The following FAM171A1 variants were observed in gnomAD, a reference collection of about 807,000 sequenced individuals.
The protein encoded by FAM171A1 is family with sequence similarity 171 member A1, also known as protein FAM171A1.
In FAM171A1, 23 loss-of-function variants were observed where a neutral mutation model predicts 74.9. That is an observed-to-expected ratio of 0.31 (90% CI 0.22 to 0.44). The LOEUF is 0.44. Ranked by LOEUF, FAM171A1 falls within the 20% of genes least tolerant of loss-of-function variation. The probability of loss-of-function intolerance (pLI) is 1.00; values close to 1 mark genes in which losing one functional copy is unlikely to be tolerated. For missense variants in FAM171A1, 1,162 were observed against 1,159.2 expected (o/e 1.00, Z -0.03); for synonymous variants, 527 against 505.7 (o/e 1.04, Z -0.57).
At chr10:15,370,802 T>C (rs1269366508) in intron 1 of FAM171A1, among the ~76,000 whole-genome samples, 154 bp downstream of exon 1, 1 of 138,270 alleles carries the variant, frequency 7.2e-6, no homozygotes, top group Non-Finnish European at 1.6e-5. Flanking sequence ...CGGGAGCGCG[T>C]TGCGGGTGCT....
intron 3 of FAM171A1, among the ~76,000 whole-genome samples, chr10:15,263,052 A>G (rs1253582523): frequency 5.3e-5 from 8 of 152,224 alleles, no homozygotes; most frequent in Non-Finnish European, 1.2e-4. Context: ...CCCGGGGAAC[A>G]GGAAAAGGAC....
intron 5 of FAM171A1, among the ~76,000 whole-genome samples, chr10:15,235,505 C>T (rs972824434): frequency 1.3e-5 from 2 of 152,034 alleles, no homozygotes; most frequent in Non-Finnish European, 2.9e-5. Context: ...CTTCCACTAC[C>T]TTTCTCAAAC....
At chr10:15,239,528 C>CAA (rs1834337222) in intron 5 of FAM171A1, among the ~76,000 whole-genome samples, 1 of 152,118 alleles carries the variant, frequency 6.6e-6, no homozygotes, top group African/African-American at 2.4e-5. Flanking sequence ...GCCTCAAACT[C>CAA]TTGACCTCAA....
chr10:15,248,662 G>GC lies in FAM171A1; in HGVS notation c.730dup (p.Ala244GlyfsTer5), dbSNP rs1564622263. Reference sequence around the variant, plus strand: ...ACCCAGCTTCTGGTCAAACCGCCACGCCGCGACATAGGCATTGTGCCTCAG... The same window carrying GC: ...ACCCAGCTTCTGGTCAAACCGCCACGCCCGCGACATAGGCATTGTGCCTCAG... On this transcript the variant is annotated frameshift_variant, in exon 5 of 8. Transcript: ENST00000378116. LOFTEE classifies it high-confidence loss of function. 6.2e-7 allele frequency: 1 copy of GC among 1,609,870 alleles called. No individual in the cohort carries two copies. The highest frequency in any genetic ancestry group is 1.7e-5 in the Admixed American group (1 of 59,408).
chr10:15,343,073 T>C (rs980796432), intron 1 of FAM171A1, among the ~76,000 whole-genome samples: 1 of 152,204 alleles, frequency 6.6e-6, no homozygotes, highest in Non-Finnish European at 1.5e-5. Context: ...GGAAGAGACC[T>C]GATATAATTA....
In FAM171A1 at chr10:15,257,351, G is replaced by C. The variant is rs75033509; in HGVS notation, c.419-2472C>G. On this transcript the variant is annotated intron_variant, in intron 3 of 7. Transcript: ENST00000378116. ...AAGACAAGGGGGAGCCGGGGAATGG[G>C]CCCAGGATACGCAGCCTAGCCAGGA... is the stretch of plus-strand genomic sequence containing the variant. 3.8e-3 allele frequency among the ~76,000 whole-genome samples: 581 copies of C among 152,254 alleles called. 1 individual carries two copies. Among genetic ancestry groups the C allele is most frequent in the African/African-American group, 0.013 (540 of 41,544 alleles).
chr10:15,357,917 A>C (rs1242967567), intron 1 of FAM171A1, among the ~76,000 whole-genome samples: 1 of 152,232 alleles, frequency 6.6e-6, no homozygotes, highest in Non-Finnish European at 1.5e-5. Context: ...GTCCCATAAT[A>C]CCATCTATCA....
At chr10:15,308,948 G>C (rs1835328010) in intron 1 of FAM171A1, among the ~76,000 whole-genome samples, 1 of 152,022 alleles carries the variant, frequency 6.6e-6, no homozygotes, top group South Asian at 2.1e-4. Context: ...TTACAGACGT[G>C]AGCCACTGCA....
chr10:15,291,939 T>C (rs1588537084), intron 1 of FAM171A1, among the ~76,000 whole-genome samples: 1 of 152,286 alleles, frequency 6.6e-6, no homozygotes, highest in East Asian at 1.9e-4. Context: ...ATTTTCAACA[T>C]GGAAATTCTA....
At position 15,212,885 on chromosome 10, in the gene FAM171A1, T is replaced by A; in HGVS notation, c.*30A>T. 6.2e-7 allele frequency: 1 copy of A among 1,605,244 alleles called. No individual in the cohort carries two copies. The highest frequency in any genetic ancestry group is 1.3e-5 in the African/African-American group (1 of 74,220). On this transcript the variant is annotated 3_prime_UTR_variant, in exon 8 of 8. Transcript: ENST00000378116. ...TGAGAAAGGATATTTGGCAATTTTA[T>A]ATTCCACAGTCAGGTGGGTCTGCGA...
intron 5 of FAM171A1, 51 bp downstream of exon 5, chr10:15,248,588 C>G: frequency 1.3e-6 from 2 of 1,526,272 alleles, no homozygotes; most frequent in Non-Finnish European, 1.8e-6. Flanking sequence ...GAAAACCAAA[C>G]AGTAACGAAG....
At chr10:15,319,761 T>C (rs1456303619) in intron 1 of FAM171A1, among the ~76,000 whole-genome samples, 1 of 152,096 alleles carries the variant, frequency 6.6e-6, no homozygotes, top group Admixed American at 6.6e-5. Context: ...CTAGACCTTC[T>C]CAAAAGTCGG....
intron 1 of FAM171A1, among the ~76,000 whole-genome samples, chr10:15,362,961 C>A (rs1460044420): frequency 6.6e-6 from 1 of 152,118 alleles, no homozygotes; most frequent in African/African-American, 2.4e-5. Flanking sequence ...AAATATAATG[C>A]CCCTCCCCGA....
chr10:15,250,147 C>T (rs1417121645), intron 4 of FAM171A1, among the ~76,000 whole-genome samples: 1 of 152,174 alleles, frequency 6.6e-6, no homozygotes, highest in Non-Finnish European at 1.5e-5. Context: ...TTCTACACAG[C>T]TAATGCCACC....
intron 1 of FAM171A1, among the ~76,000 whole-genome samples, chr10:15,355,803 G>A (rs1185602554): frequency 6.6e-6 from 1 of 152,074 alleles, no homozygotes; most frequent in Non-Finnish European, 1.5e-5. Context: ...TTCCATACCT[G>A]TGGCATGCAA....
intron 1 of FAM171A1, among the ~76,000 whole-genome samples, chr10:15,304,667 T>C (rs933603286): frequency 6.6e-6 from 1 of 152,222 alleles, no homozygotes; most frequent in African/African-American, 2.4e-5. Context: ...CTGCCTGTTA[T>C]GGTGTAGCCC....
At chr10:15,318,575 G>A (rs1001183871) in intron 1 of FAM171A1, among the ~76,000 whole-genome samples, 1 of 152,166 alleles carries the variant, frequency 6.6e-6, no homozygotes, top group Non-Finnish European at 1.5e-5. Context: ...ACCAAATGCC[G>A]GAGCTGGTTC....
intron 1 of FAM171A1, among the ~76,000 whole-genome samples, chr10:15,365,246 T>G (rs1836044955): frequency 1.3e-5 from 2 of 152,112 alleles, no homozygotes; most frequent in African/African-American, 4.8e-5. Context: ...AAGCAGACAC[T>G]TAGATTTTGA....
At chr10:15,281,955 G>C (rs1238152893) in intron 2 of FAM171A1, among the ~76,000 whole-genome samples, 1 of 152,140 alleles carries the variant, frequency 6.6e-6, no homozygotes, top group African/African-American at 2.4e-5. Context: ...AAGTGTAGTA[G>C]CTGCTCATTA....
Sources: gnomAD v4.1 joint callset for allele counts (sites outside exome capture counted in the v4.1 genomes callset) on GRCh38, gnomAD v4.1.1 for gene constraint, MANE v1.5 for transcripts, NCBI Gene and HGNC (gene_info 2026-07-23, HGNC 2026-07-21) for gene names.